Variants in ACBD6 observed in about 807,000 individuals in gnomAD.
The protein encoded by ACBD6 is acyl-CoA binding domain containing 6.
In ACBD6, 28 loss-of-function variants were observed where a neutral mutation model predicts 37.2. That is an observed-to-expected ratio of 0.75 (90% CI 0.56 to 1.03). The LOEUF is 1.03. Ranked by LOEUF, ACBD6 falls within the 50% of genes least tolerant of loss-of-function variation. ACBD6 has a pLI of 0.00. For missense variants in ACBD6, 340 were observed against 337.4 expected, an observed-to-expected ratio of 1.01 and a Z score of -0.06; for synonymous variants, 113 against 126.8, an observed-to-expected ratio of 0.89 and a Z score of 0.73.
chr1:180,271,596 A>T, exon 14 of ACBD6: 3 of 1,591,472 alleles, frequency 1.9e-6, no homozygotes, highest in Non-Finnish European at 2.6e-6. Flanking sequence ...GGTGGAAGGT[A>T]TCCTGAGTGA....
intron 5 of ACBD6, among the ~76,000 whole-genome samples, chr1:180,399,895 C>A (rs1326031451): frequency 7.5e-5 from 1 of 13,342 alleles, no homozygotes; most frequent in East Asian, 5.7e-3. Flanking sequence ...AAACTATTGA[C>A]AAGAGTTATA....
intron 6 of ACBD6, among the ~76,000 whole-genome samples, chr1:180,394,885 A>G (rs530869310): frequency 1.3e-5 from 2 of 152,306 alleles, no homozygotes; most frequent in African/African-American, 2.4e-5. Context: ...AATGTGGGGG[A>G]AAATTTAAAC....
chr1:180,316,242 G>C (rs1650794520), intron 6 of ACBD6, among the ~76,000 whole-genome samples: 1 of 151,914 alleles, frequency 6.6e-6, no homozygotes, highest in Non-Finnish European at 1.5e-5. Context: ...AATTTCAAAA[G>C]AACAGTACTG....
At chr1:180,313,082 T>A (rs1650657599) in intron 7 of ACBD6, among the ~76,000 whole-genome samples, 1 of 152,228 alleles carries the variant, frequency 6.6e-6, no homozygotes, top group Admixed American at 6.5e-5. Context: ...ATAGATTTTT[T>A]AAATGTTAAG....
rs531803938 is a variant in ACBD6, at chr1:180,305,399, T to A, written c.694+9293A>T. Among the ~76,000 whole-genome samples the A allele has an allele frequency of 2.1e-3, 323 of 151,772 alleles. 4 individuals carry two copies. The highest frequency in any genetic ancestry group is 4.4e-3 in the East Asian group (23 of 5,170). On this transcript the variant is annotated intron_variant, in intron 7 of 7. Transcript: ENST00000367595. ...AATCTATAATGAACTCAAACAAATC[T>A]ACAAGAAAAAAAACAAACAACCCCA...
intron 7 of ACBD6, 105 bp from the exon 8 acceptor site, chr1:180,288,622 A>G: frequency 7.7e-7 from 1 of 1,306,558 alleles, no homozygotes; most frequent in Non-Finnish European, 1.1e-6. Context: ...AATACTGAAC[A>G]ATGAGCAATG....
intron 3 of ACBD6, among the ~76,000 whole-genome samples, chr1:180,487,112 A>T (rs755909918): frequency 1.3e-5 from 2 of 152,190 alleles, no homozygotes; most frequent in African/African-American, 4.8e-5. Context: ...TAGAAGATGG[A>T]TCAGCATTTG....
At chr1:180,272,309 G>A (rs1648724176) in intron 13 of ACBD6, among the ~76,000 whole-genome samples, 1 of 152,158 alleles carries the variant, frequency 6.6e-6, no homozygotes, top group Non-Finnish European at 1.5e-5. Flanking sequence ...ACACAGCTAT[G>A]AACAGATGAC....
At position 180,397,561 on chromosome 1, in the gene ACBD6, T is replaced by C. The variant is rs1398805555; in HGVS notation, c.618A>G (p.Glu206=). ...LHWACDRGHK[E]LVTVLLQHRA... ...TATGTTGCAGCAACACTGTGACTAG[T>C]TCCTTATGTCCTCGATCACAGGCCC... is the stretch of plus-strand genomic sequence containing the variant. Residue 206 remains glutamate, a synonymous_variant, in exon 6 of 8, where the codon GAA becomes GAG. Coordinates refer to ENST00000367595, the MANE Select transcript of ACBD6 (RefSeq NM_032360.4). The C allele has an allele frequency of 6.2e-7, 1 of 1,614,110 alleles. No individual in the cohort carries two copies. Among genetic ancestry groups the C allele is most frequent in the South Asian group, 1.1e-5 (1 of 91,086 alleles).
chr1:180,317,227 G>A (rs1177636301), intron 6 of ACBD6, among the ~76,000 whole-genome samples: 1 of 152,196 alleles, frequency 6.6e-6, no homozygotes, highest in African/African-American at 2.4e-5. Context: ...AAAAGAGAGT[G>A]TGGTCAAAGA....
intron 6 of ACBD6, among the ~76,000 whole-genome samples, chr1:180,343,722 G>C (rs1203162054): frequency 6.6e-6 from 1 of 152,020 alleles, no homozygotes; most frequent in Non-Finnish European, 1.5e-5. Flanking sequence ...TTTATCCTTT[G>C]TATCTGCACA....
At chr1:180,450,239 TCTA>T (rs1649650010) in intron 3 of ACBD6, among the ~76,000 whole-genome samples, 1 of 152,186 alleles carries the variant, frequency 6.6e-6, no homozygotes, top group African/African-American at 2.4e-5. Flanking sequence ...AGTATAGTGT[TCTA>T]AAGAGAGAAA....
At position 180,502,296 on chromosome 1, in the gene ACBD6, C is replaced by A; in HGVS notation, c.-30G>T. On this transcript the variant is annotated 5_prime_UTR_variant, in exon 1 of 8. Transcript: ENST00000367595. Reference sequence around the variant, plus strand: ...CCTTGCTCGCTCCGTCCCTCTGTGTCCGGTCTGTCCTCCTTGGATTGGGTG... The same window carrying A: ...CCTTGCTCGCTCCGTCCCTCTGTGTACGGTCTGTCCTCCTTGGATTGGGTG... 6.2e-7 allele frequency: 1 copy of A among 1,609,730 alleles called. No individual in the cohort carries two copies. The highest frequency in any genetic ancestry group is 8.5e-7 in the Non-Finnish European group (1 of 1,178,722).
chr1:180,345,752 A>G (rs1652155391), intron 6 of ACBD6, among the ~76,000 whole-genome samples: 1 of 152,198 alleles, frequency 6.6e-6, no homozygotes, highest in East Asian at 1.9e-4. Flanking sequence ...GATCTAAACT[A>G]TATAAAGCAA....
chr1:180,271,683 C>T, exon 14 of ACBD6: 1 of 1,311,318 alleles, frequency 7.6e-7, no homozygotes, highest in Non-Finnish European at 1.1e-6. Context: ...TTCTGAGGCC[C>T]ACCTGGGGAG....
At chr1:180,476,915 C>A (rs1650818936) in intron 3 of ACBD6, among the ~76,000 whole-genome samples, 1 of 152,008 alleles carries the variant, frequency 6.6e-6, no homozygotes. Flanking sequence ...TGAAAATATC[C>A]AATGAATATA....
chr1:180,387,619 G>T (rs1558277574), intron 6 of ACBD6, among the ~76,000 whole-genome samples: 1 of 152,168 alleles, frequency 6.6e-6, no homozygotes, highest in Non-Finnish European at 1.5e-5. Context: ...CACCTTGATG[G>T]GGAAGAGAAG....
At chr1:180,335,240 A>G (rs1651654356) in intron 6 of ACBD6, among the ~76,000 whole-genome samples, 1 of 152,198 alleles carries the variant, frequency 6.6e-6, no homozygotes, top group African/African-American at 2.4e-5. Flanking sequence ...TGAAGGAAAA[A>G]ATGTTAAGGG....
chr1:180,447,471 T>C (rs552287985), intron 3 of ACBD6, among the ~76,000 whole-genome samples: 17 of 152,326 alleles, frequency 1.1e-4, no homozygotes, highest in African/African-American at 3.8e-4. Flanking sequence ...ATTATATTAC[T>C]CTTGTCGATT....
Sources: allele counts gnomAD v4.1 joint callset (sites outside exome capture counted in the v4.1 genomes callset), GRCh38; gene constraint gnomAD v4.1.1; transcripts MANE v1.5; gene names NCBI Gene and HGNC (gene_info 2026-07-23, HGNC 2026-07-21).